The following DPP8 variants were observed in gnomAD, a reference collection of about 807,000 sequenced individuals.
The protein encoded by DPP8 is dipeptidyl peptidase 8.
In DPP8, 31 loss-of-function variants were observed where a neutral mutation model predicts 107.5. The observed-to-expected ratio is 0.29, with a 90% CI of 0.22 to 0.39. DPP8 has a LOEUF of 0.39. Ranked by LOEUF, DPP8 falls within the 10% of genes least tolerant of loss-of-function variation. The pLI is 1.00. For synonymous variants in DPP8, 381 were observed against 356.6 expected (o/e 1.07, Z -0.77); for missense variants, 842 against 1,076.1 (o/e 0.78, Z 3.04).
intron 8 of DPP8, among the ~76,000 whole-genome samples, chr15:65,482,368 GC>G (rs1329007391): frequency 6.6e-6 from 1 of 151,666 alleles, no homozygotes; most frequent in Non-Finnish European, 1.5e-5. Flanking sequence ...TGCAACCTCT[GC>G]CTCCCGGGTT....
chr15:65,489,580 A>ATT (rs67109112), intron 6 of DPP8, among the ~76,000 whole-genome samples: 1 of 125,506 alleles, frequency 8.0e-6, no homozygotes, highest in East Asian at 2.3e-4. Flanking sequence ...TGCCCAGCTA[A>ATT]TTTTTTTTTT....
chr15:65,468,972 G>C (rs1228168814), intron 12 of DPP8, among the ~76,000 whole-genome samples: 2 of 152,076 alleles, frequency 1.3e-5, no homozygotes, highest in Non-Finnish European at 2.9e-5. Flanking sequence ...GCCTAAGAAT[G>C]TGCATTTCTT....
At chr15:65,458,219 C>A (rs1171351490) in intron 15 of DPP8, among the ~76,000 whole-genome samples, 1 of 152,122 alleles carries the variant, frequency 6.6e-6, no homozygotes, top group African/African-American at 2.4e-5. Flanking sequence ...ATTTGCAGAA[C>A]AGTGTCTGGC....
At chr15:65,470,195 CAAAAAAAAAA>C (rs11310623) in intron 12 of DPP8, among the ~76,000 whole-genome samples, 1 of 58,488 alleles carries the variant, frequency 1.7e-5, no homozygotes, top group African/African-American at 5.9e-5. Context: ...ACTCTTGTCT[CAAAAAAAAAA>C]AAAAAAAAAA....
chr15:65,508,769 T>C (rs926986381), intron 2 of DPP8, among the ~76,000 whole-genome samples: 3 of 151,912 alleles, frequency 2.0e-5, no homozygotes, highest in Non-Finnish European at 4.4e-5. Context: ...GGAGAATCAC[T>C]TGAACCCGGG....
At chr15:65,450,762 G>A (rs2063917174) in intron 19 of DPP8, 1 of 345,816 alleles carries the variant, frequency 2.9e-6, no homozygotes, top group Non-Finnish European at 5.2e-6. Context: ...CTTCCAAACT[G>A]AAAGCAGATA....
At chr15:65,494,535 T>A (rs2068378592) in intron 5 of DPP8, among the ~76,000 whole-genome samples, 1 of 149,448 alleles carries the variant, frequency 6.7e-6, no homozygotes, top group Non-Finnish European at 1.5e-5. Context: ...TAGGTAGGCG[T>A]GGTGGCACAC....
rs147616027 is a variant in DPP8, at chr15:65,495,657, T to C, written c.715+2207A>G. 5.0e-3 allele frequency among the ~76,000 whole-genome samples: 749 copies of C among 149,946 alleles called. 2 individuals carry two copies. The highest frequency in any genetic ancestry group is 9.2e-3 in the Non-Finnish European group (621 of 67,616). On this transcript the variant is annotated intron_variant, in intron 5 of 19. Transcript: ENST00000300141. ...GGCTCGTGCCTGTAATCCCAGCACT[T>C]TGGGAGGCCGAGGTGGGTGTATCAC... is the stretch of plus-strand genomic sequence containing the variant.
At chr15:65,464,767 T>C (rs558448199) in intron 14 of DPP8, among the ~76,000 whole-genome samples, 2 of 151,926 alleles carry the variant, frequency 1.3e-5, no homozygotes, top group African/African-American at 4.8e-5. Flanking sequence ...AGACACAGAG[T>C]GTTACCAATA....
chr15:65,514,156 CTGAA>C (rs1452968463), intron 1 of DPP8, among the ~76,000 whole-genome samples: 3 of 152,144 alleles, frequency 2.0e-5, no homozygotes, highest in South Asian at 4.1e-4. Flanking sequence ...TGCCAAAGAA[CTGAA>C]TGAAGTGTGT....
chr15:65,493,881 TGTGA>T (rs1178670442), intron 5 of DPP8, among the ~76,000 whole-genome samples: 7 of 152,046 alleles, frequency 4.6e-5, no homozygotes, highest in Non-Finnish European at 8.8e-5. Flanking sequence ...AGAAACCTAT[TGTGA>T]GTAAGTGGAA....
intron 15 of DPP8, among the ~76,000 whole-genome samples, chr15:65,457,744 T>C (rs1367717011): frequency 6.6e-6 from 1 of 152,156 alleles, no homozygotes; most frequent in Non-Finnish European, 1.5e-5. Flanking sequence ...TAATGTTTTT[T>C]TCCCATTTCT....
chr15:65,504,672 A>AG (rs2069726476), intron 3 of DPP8, among the ~76,000 whole-genome samples: 1 of 150,902 alleles, frequency 6.6e-6, no homozygotes, highest in Non-Finnish European at 1.5e-5. Context: ...CGTCTCAAAA[A>AG]AAAAAAAAAA....
intron 3 of DPP8, among the ~76,000 whole-genome samples, chr15:65,505,759 G>A (rs2069887409): frequency 6.6e-6 from 1 of 151,850 alleles, no homozygotes; most frequent in African/African-American, 2.4e-5. Context: ...AGACCAGCCT[G>A]GGTGACATGA....
intron 8 of DPP8, among the ~76,000 whole-genome samples, chr15:65,482,387 T>C (rs2140778618): frequency 6.6e-6 from 1 of 152,082 alleles, no homozygotes; most frequent in African/African-American, 2.4e-5. Context: ...GTTTAAGTGA[T>C]TCTCCTGCCT....
chr15:65,506,543 G>A (rs1159475927), intron 3 of DPP8, among the ~76,000 whole-genome samples: 1 of 151,442 alleles, frequency 6.6e-6, no homozygotes, highest in African/African-American at 2.4e-5. Context: ...GAACCCAGAA[G>A]TTTGAGAGTT....
chr15:65,460,307 G>A (rs1378604690), intron 15 of DPP8, among the ~76,000 whole-genome samples: 2 of 152,136 alleles, frequency 1.3e-5, no homozygotes, highest in Non-Finnish European at 2.9e-5. Context: ...GCCAGGCATG[G>A]TGGTGCACGC....
At chr15:65,478,495 G>A (rs2066609199) in intron 11 of DPP8, among the ~76,000 whole-genome samples, 3 of 152,058 alleles carry the variant, frequency 2.0e-5, no homozygotes, top group Admixed American at 2.0e-4. Flanking sequence ...CCTGACCTCA[G>A]GTGATCCGCC....
chr15:65,467,874 T>C (rs914956500), intron 12 of DPP8, among the ~76,000 whole-genome samples: 3 of 152,234 alleles, frequency 2.0e-5, no homozygotes, highest in Non-Finnish European at 4.4e-5. Context: ...TCATACATAC[T>C]TGAAAGTCTA....
Sources: allele counts gnomAD v4.1 joint callset (sites outside exome capture counted in the v4.1 genomes callset), GRCh38; gene constraint gnomAD v4.1.1; transcripts MANE v1.5; gene names NCBI Gene and HGNC (gene_info 2026-07-23, HGNC 2026-07-21).